Variants in CLHC1 observed in about 807,000 individuals in gnomAD.
CLHC1 encodes the protein clathrin heavy chain linker domain-containing protein 1.
Under a neutral mutation model 69.5 loss-of-function variants are expected in CLHC1, and 72 were observed. The ratio of observed to expected loss-of-function variants is 1.04; its 90% CI spans 0.86 to 1.26. CLHC1 has a LOEUF of 1.26. Ranked by LOEUF, CLHC1 falls within the 50% of genes most tolerant of loss-of-function variation. The pLI, the probability that CLHC1 is intolerant of heterozygous loss-of-function variation, is 0.00. For synonymous variants in CLHC1, 223 were observed against 224.3 expected (o/e 0.99, Z 0.05); for missense variants, 790 against 679.3 (o/e 1.16, Z -1.81).
intron 4 of CLHC1, among the ~76,000 whole-genome samples, chr2:55,217,523 C>CAAAAAAAAAAAA (rs1162910086): frequency 4.9e-5 from 1 of 20,344 alleles, no homozygotes; most frequent in African/African-American, 1.7e-4. Flanking sequence ...AACCCTGTCT[C>CAAAAAAAAAAAA]AAAAAAAAAA....
At chr2:55,184,957 C>G (rs1670289927) in intron 9 of CLHC1, among the ~76,000 whole-genome samples, 1 of 148,484 alleles carries the variant, frequency 6.7e-6, no homozygotes. Flanking sequence ...CACACACACA[C>G]ACACAAAGAT....
At chr2:55,180,166 T>C (rs908792777) in intron 11 of CLHC1, among the ~76,000 whole-genome samples, 27 of 151,742 alleles carry the variant, frequency 1.8e-4, no homozygotes, top group Non-Finnish European at 1.9e-4. Flanking sequence ...AAAAAATATA[T>C]ATATATATAT....
intron 3 of CLHC1, among the ~76,000 whole-genome samples, chr2:55,219,019 G>C (rs1274412396): frequency 1.3e-5 from 2 of 152,282 alleles, no homozygotes; most frequent in East Asian, 3.9e-4. Flanking sequence ...TGATCTCCTG[G>C]CAAGTGCCAG....
intron 7 of CLHC1, among the ~76,000 whole-genome samples, chr2:55,209,109 G>A (rs771391026): frequency 3.3e-5 from 5 of 151,886 alleles, no homozygotes; most frequent in Non-Finnish European, 7.4e-5. Flanking sequence ...TTCTGACCTC[G>A]TGATCTGCCC....
At position 55,217,922 on chromosome 2, in the gene CLHC1, A is replaced by C. The variant is rs779730562; in HGVS notation, c.254T>G (p.Ile85Arg). 1.2e-6 allele frequency: 2 copies of C among 1,601,094 alleles called. No homozygotes were observed. The highest frequency in any genetic ancestry group is 1.1e-5 in the South Asian group (1 of 89,280). ...AAATGTAGTTCTTCGGTCTTTCTTTATTGTCTCAATAAAGGCATCATATTC... is the reference window on the plus strand; with the variant it reads ...AAATGTAGTTCTTCGGTCTTTCTTTCTTGTCTCAATAAAGGCATCATATTC... Reference protein sequence around the residue: ...KKEYDAFIETIKKDRRTTFCL... With the variant: ...KKEYDAFIETRKKDRRTTFCL... The change falls in exon 4 of 13, where the codon ATA (isoleucine) becomes AGA (arginine). Residue 85 changes from isoleucine to arginine, a missense_variant. Coordinates refer to ENST00000401408, the MANE Select transcript of CLHC1 (RefSeq NM_152385.4).
chr2:55,224,324 G>T, intron 2 of CLHC1: 1 of 467,922 alleles, frequency 2.1e-6, no homozygotes. Flanking sequence ...GTGTTTGAGT[G>T]TGAACTCCAC....
intron 4 of CLHC1, among the ~76,000 whole-genome samples, chr2:55,216,545 T>C (rs912010051): frequency 1.3e-5 from 2 of 152,038 alleles, no homozygotes; most frequent in East Asian, 3.9e-4. Flanking sequence ...TATTCCTTTT[T>C]TTTTTCTTGA....
intron 10 of CLHC1, 94 bp downstream of exon 10, chr2:55,181,476 C>A: frequency 1.0e-6 from 1 of 1,000,954 alleles, no homozygotes; most frequent in Non-Finnish European, 1.5e-6. Flanking sequence ...AGTAAATGTT[C>A]AAGTAACATA....
At chr2:55,183,340 A>G (rs1016637871) in intron 9 of CLHC1, among the ~76,000 whole-genome samples, 10 of 152,216 alleles carry the variant, frequency 6.6e-5, no homozygotes, top group Non-Finnish European at 1.3e-4. Flanking sequence ...ATTATCCAGT[A>G]AAAGAAATAG....
intron 8 of CLHC1, chr2:55,206,903 G>C (rs908100314): frequency 1.3e-5 from 2 of 151,920 alleles, no homozygotes; most frequent in African/African-American, 4.9e-5. Flanking sequence ...TCAGGAGATC[G>C]AGACCATCCT....
intron 9 of CLHC1, among the ~76,000 whole-genome samples, chr2:55,187,623 A>T (rs1670541107): frequency 1.3e-5 from 2 of 152,040 alleles, no homozygotes. Flanking sequence ...AAAAAAAAAA[A>T]TTATTAAAGA....
At chr2:55,196,242 C>T (rs1671404186) in intron 9 of CLHC1, among the ~76,000 whole-genome samples, 1 of 152,190 alleles carries the variant, frequency 6.6e-6, no homozygotes, top group Non-Finnish European at 1.5e-5. Flanking sequence ...CCTAAATAAA[C>T]TTGAAAGGCG....
Position 55,173,269 on chromosome 2 carries a change from T to C in CLHC1, c.*2521A>G, listed in dbSNP as rs918865507. Among the ~76,000 whole-genome samples, 2 of 152,250 alleles carry C rather than the reference T, an allele frequency of 1.3e-5. No homozygotes were observed. Among genetic ancestry groups the C allele is most frequent in the African/African-American group, 4.8e-5 (2 of 41,462 alleles). On this transcript the variant is annotated 3_prime_UTR_variant, in exon 13 of 13. Transcript: ENST00000401408. ...TTTTTAGCAACTGGTGAAATTTGAA[T>C]ATGGACTGGCTATTAGATAATGCTA... is the stretch of plus-strand genomic sequence containing the variant.
rs1690050723 is a variant in CLHC1 at position 55,222,237 on chromosome 2, T to C, written c.175A>G (p.Lys59Glu). Residue 59 changes from lysine (K) to glutamate (E), a missense_variant and splice_region_variant, in exon 3 of 13, where the codon AAG (lysine) becomes GAG (glutamate). By Grantham distance (56) the Lys-to-Glu change is moderately conservative. Coordinates refer to ENST00000401408, the MANE Select transcript of CLHC1 (RefSeq NM_152385.4). Reference sequence around the variant, plus strand: ...TTGTCTTAAAAGCTTTATGATACCTTATCAAAAACATTTCGGTATATGATG... The same window carrying C: ...TTGTCTTAAAAGCTTTATGATACCTCATCAAAAACATTTCGGTATATGATG... ...YYIIYRNVFD[K>E]VIEHITAYKS... 1 of 1,609,262 alleles carries C rather than the reference T, an allele frequency of 6.2e-7. No homozygotes were observed. The highest frequency in any genetic ancestry group is 8.5e-7 in the Non-Finnish European group (1 of 1,176,242).
In CLHC1 at chr2:55,209,673, G is replaced by A. The variant is rs143790651; in HGVS notation, c.658C>T (p.Arg220Trp). 2,747 of 1,614,014 alleles carry A rather than the reference G, an allele frequency of 1.7e-3. 25 individuals are homozygous for A. Among genetic ancestry groups the A allele is most frequent in the East Asian group, 3.0e-3 (134 of 44,856 alleles). ...TTCAGATTTTCAGCTACATCTCGCC[G>A]TTTTAATAACACAATCATTTCTTCA... ...LDEEMIVLLK[R>W]RDVAENLNKK... Residue 220 changes from arginine (R) to tryptophan (W), a missense_variant, in exon 6 of 13, where the codon CGG (arginine) becomes TGG (tryptophan). Arg to Trp is a moderately radical substitution (Grantham distance 101). Transcript: ENST00000401408.
intron 9 of CLHC1, among the ~76,000 whole-genome samples, chr2:55,190,162 A>G (rs555529737): frequency 1.3e-5 from 2 of 151,888 alleles, no homozygotes; most frequent in Non-Finnish European, 2.9e-5. Flanking sequence ...CTCCTGCCTC[A>G]GCCTCCCGAG....
chr2:55,175,805 T>C lies in CLHC1; in HGVS notation c.1746A>G (p.Glu582=). 6.2e-7 allele frequency: 1 copy of C among 1,613,746 alleles called. No homozygotes were observed. The highest frequency in any genetic ancestry group is 8.5e-7 in the Non-Finnish European group (1 of 1,179,732). ...AGATATAGAACTACCAAAACACATG[T>C]TCCATTAGGTTGACTGCGTCATCCT... ...SEEDDAVNLM[E]HVFW The change falls in exon 13 of 13, where the codon GAA becomes GAG. Residue 582 remains glutamate, a synonymous_variant. Coordinates refer to ENST00000401408, the MANE Select transcript of CLHC1 (RefSeq NM_152385.4).
chr2:55,224,665 G>C, intron 2 of CLHC1: 1 of 230,302 alleles, frequency 4.3e-6, no homozygotes, highest in Non-Finnish European at 9.1e-6. Flanking sequence ...TGGAGGAGCT[G>C]GCGGTCCAGG....
chr2:55,190,652 T>C (rs10164608), intron 9 of CLHC1, among the ~76,000 whole-genome samples: 4,770 of 152,080 alleles, frequency 0.031, 295 homozygotes, highest in African/African-American at 0.11. Flanking sequence ...ATACTGAAGA[T>C]TAGTCAATTT....
Sources: gnomAD v4.1 joint callset for allele counts (sites outside exome capture counted in the v4.1 genomes callset) on GRCh38, gnomAD v4.1.1 for gene constraint, MANE v1.5 for transcripts, NCBI Gene and HGNC (gene_info 2026-07-23, HGNC 2026-07-21) for gene names.